PTPRD: variants seen among roughly 807,000 people sequenced by gnomAD.
The protein encoded by PTPRD is protein tyrosine phosphatase receptor type D.
PTPRD carries 34 observed loss-of-function variants against 214.5 expected under a neutral mutation model. The ratio of observed to expected loss-of-function variants is 0.16; its 90% CI spans 0.12 to 0.21. The LOEUF (loss-of-function observed/expected upper bound fraction) is 0.21, where lower values mean the gene tolerates loss of function less well. Ranked by LOEUF, PTPRD falls within the 10% of genes least tolerant of loss-of-function variation. The pLI is 1.00. For missense variants in PTPRD, 2,545 were observed against 2,398.7 expected (o/e 1.06, Z -1.27); for synonymous variants, 1,128 against 845.7 (o/e 1.33, Z -5.79).
At chr9:9,411,256 T>C (rs2075323860) in intron 8 of PTPRD, among the ~76,000 whole-genome samples, 2 of 66,674 alleles carry the variant, frequency 3.0e-5, no homozygotes, top group East Asian at 3.4e-4. Context: ...ATACATAGCA[T>C]TGTGTCTTTT....
chr9:10,144,099 AAAAAAT>A (rs1179445890), intron 3 of PTPRD, among the ~76,000 whole-genome samples: 2 of 152,144 alleles, frequency 1.3e-5, no homozygotes, highest in Admixed American at 6.6e-5. Context: ...TTACTAAAGA[AAAAAAT>A]AAAGTAATTT....
At chr9:9,897,177 C>A (rs1043458664) in intron 5 of PTPRD, among the ~76,000 whole-genome samples, 1 of 150,360 alleles carries the variant, frequency 6.7e-6, no homozygotes, top group Non-Finnish European at 1.5e-5. Flanking sequence ...CTAAACACCC[C>A]CTGGGGGTTG....
chr9:8,505,713 C>T (rs978584611), intron 22 of PTPRD, among the ~76,000 whole-genome samples: 4 of 149,122 alleles, frequency 2.7e-5, no homozygotes, highest in African/African-American at 9.9e-5. Flanking sequence ...TTCTGACTTA[C>T]AAATACAAAA....
intron 3 of PTPRD, among the ~76,000 whole-genome samples, chr9:10,186,079 T>G (rs544828775): frequency 7.4e-6 from 1 of 134,970 alleles, no homozygotes; most frequent in Non-Finnish European, 1.5e-5. Context: ...ATGCTAGAAA[T>G]AAACAATATT....
At chr9:8,479,124 C>A (rs554668596) in intron 30 of PTPRD, among the ~76,000 whole-genome samples, 1 of 152,164 alleles carries the variant, frequency 6.6e-6, no homozygotes, top group African/African-American at 2.4e-5. Flanking sequence ...TTGCCAACCA[C>A]GGCAAGTGAC....
intron 8 of PTPRD, among the ~76,000 whole-genome samples, chr9:9,480,933 T>C (rs2095383590): frequency 6.6e-6 from 1 of 152,186 alleles, no homozygotes; most frequent in African/African-American, 2.4e-5. Context: ...ATATGCCACA[T>C]GCTACCCACT....
At chr9:10,590,361 TTTTAA>T in intron 2 of PTPRD, among the ~76,000 whole-genome samples, 1 of 151,996 alleles carries the variant, frequency 6.6e-6, no homozygotes, top group Non-Finnish European at 1.5e-5. Flanking sequence ...AATGCACCTA[TTTTAA>T]ATGAGCAGTT....
intron 8 of PTPRD, among the ~76,000 whole-genome samples, chr9:9,572,408 T>C (rs2086726409): frequency 6.6e-6 from 1 of 151,276 alleles, no homozygotes; most frequent in Admixed American, 6.6e-5. Context: ...GAAAAACACA[T>C]GCAATTCAAA....
chr9:8,376,195 T>C, intron 38 of PTPRD, 105 bp from the exon 39 acceptor site: 1 of 1,301,378 alleles, frequency 7.7e-7, no homozygotes, highest in Non-Finnish European at 1.1e-6. Flanking sequence ...TTAATTCCTT[T>C]CTACCACCCT....
chr9:9,809,264 ATTTTTTT>A (rs58701533), intron 5 of PTPRD, among the ~76,000 whole-genome samples: 3 of 118,216 alleles, frequency 2.5e-5, no homozygotes, highest in Admixed American at 2.0e-4. Flanking sequence ...GCCACAAGAG[ATTTTTTT>A]TTTTTTTTTT....
intron 6 of PTPRD, among the ~76,000 whole-genome samples, chr9:9,759,189 C>T (rs997744451): frequency 1.3e-5 from 2 of 152,128 alleles, no homozygotes; most frequent in African/African-American, 2.4e-5. Context: ...AGCCTGATGC[C>T]CCTGAGATCC....
At chr9:9,478,735 A>T (rs12347082) in intron 8 of PTPRD, among the ~76,000 whole-genome samples, 14,172 of 152,276 alleles carry the variant, frequency 0.093, 755 homozygotes, top group Non-Finnish European at 0.12. Context: ...TTGATGCTCA[A>T]AATGTTGAAA....
At chr9:8,642,753 A>G (rs1481704618) in intron 12 of PTPRD, among the ~76,000 whole-genome samples, 1 of 152,140 alleles carries the variant, frequency 6.6e-6, no homozygotes, top group African/African-American at 2.4e-5. Context: ...AGCACATCCT[A>G]TTGACACTTT....
At chr9:10,160,726 A>G (rs1297361244) in intron 3 of PTPRD, among the ~76,000 whole-genome samples, 3 of 151,998 alleles carry the variant, frequency 2.0e-5, no homozygotes, top group Admixed American at 6.6e-5. Context: ...CCCTAGCCAC[A>G]GAAATTAGTC....
chr9:9,571,125 C>G (rs1481586420), intron 8 of PTPRD, among the ~76,000 whole-genome samples: 1 of 151,304 alleles, frequency 6.6e-6, no homozygotes, highest in African/African-American at 2.4e-5. Context: ...TGAGGAAAAA[C>G]ACATGCAATT....
intron 3 of PTPRD, among the ~76,000 whole-genome samples, chr9:10,207,432 T>C (rs1289403034): frequency 6.6e-6 from 1 of 151,994 alleles, no homozygotes; most frequent in Non-Finnish European, 1.5e-5. Context: ...AGGGTTATGC[T>C]GGCATCATAA....
chr9:9,585,571 TTTTC>T (rs1333091178), intron 7 of PTPRD, among the ~76,000 whole-genome samples: 2 of 152,026 alleles, frequency 1.3e-5, no homozygotes, highest in Non-Finnish European at 2.9e-5. Flanking sequence ...CTCCTTGGAT[TTTTC>T]TTTCTATTAG....
At position 9,928,757 on chromosome 9, in the gene PTPRD, T is replaced by TACACACACACAC. The variant is rs60820386; in HGVS notation, c.-368+9738_-368+9749dup. On this transcript the variant is annotated intron_variant, in intron 5 of 45. Transcript: ENST00000381196. ...ACAGTAGCAGTCATCTCTCTCTCTA[T>TACACACACACAC]ACACACACACACACACACACACACA... Among the ~76,000 whole-genome samples, 1,128 of 147,208 alleles carry TACACACACACAC rather than the reference T, an allele frequency of 7.7e-3. 12 individuals carry two copies. Among genetic ancestry groups the TACACACACACAC allele is most frequent in the African/African-American group, 0.024 (966 of 39,844 alleles).
chr9:10,279,287 G>A (rs1050349137), intron 3 of PTPRD, among the ~76,000 whole-genome samples: 1 of 152,108 alleles, frequency 6.6e-6, no homozygotes, highest in African/African-American at 2.4e-5. Context: ...GAAAAAATCA[G>A]ATATCACCTT....
Sources: allele counts gnomAD v4.1 joint callset (sites outside exome capture counted in the v4.1 genomes callset), GRCh38; gene constraint gnomAD v4.1.1; transcripts MANE v1.5; gene names NCBI Gene and HGNC (gene_info 2026-07-23, HGNC 2026-07-21).